Variants in TMEM178B observed in about 807,000 individuals in gnomAD.
The protein encoded by TMEM178B is transmembrane protein 178B.
A neutral mutation model predicts 31.0 loss-of-function variants in TMEM178B; 5 were observed. The observed-to-expected ratio is 0.16, with a 90% CI of 0.08 to 0.34. TMEM178B has a LOEUF of 0.34. Among genes scored for constraint, TMEM178B ranks in the 10% least tolerant of loss-of-function variants. The pLI is 1.00. For missense variants in TMEM178B, 275 were observed against 400.3 expected, an observed-to-expected ratio of 0.69 and a Z score of 2.67; for synonymous variants, 164 against 164.0, an observed-to-expected ratio of 1.00 and a Z score of 0.00.
At chr7:141,450,594 G>A (rs1287120672) in intron 3 of TMEM178B, among the ~76,000 whole-genome samples, 2 of 152,172 alleles carry the variant, frequency 1.3e-5, no homozygotes, top group South Asian at 2.1e-4. Context: ...AAAAAGGGGG[G>A]AAAGGGGGCC....
chr7:141,485,062 G>A (rs914263319), downstream of TMEM178B, among the ~76,000 whole-genome samples: 5 of 152,180 alleles, frequency 3.3e-5, no homozygotes, highest in Non-Finnish European at 7.3e-5. Flanking sequence ...TGTCAGGGAA[G>A]CATTGATTCT....
At chr7:141,205,900 G>A (rs977523201) in intron 1 of TMEM178B, among the ~76,000 whole-genome samples, 1 of 152,188 alleles carries the variant, frequency 6.6e-6, no homozygotes, top group African/African-American at 2.4e-5. Flanking sequence ...CAGTTTCTGT[G>A]CCATCTCTGG....
intron 1 of TMEM178B, among the ~76,000 whole-genome samples, chr7:141,188,000 G>A (rs2129184660): frequency 6.6e-6 from 1 of 152,234 alleles, no homozygotes; most frequent in South Asian, 2.1e-4. Flanking sequence ...TGGTGTTTTA[G>A]ACATGAAGTC....
the TMEM178B span, among the ~76,000 whole-genome samples, chr7:141,510,790 G>A: frequency 6.7e-6 from 1 of 149,760 alleles, no homozygotes; most frequent in African/African-American, 2.5e-5. Context: ...GGTTTCCAAA[G>A]CTTCCAAGAG....
At chr7:141,285,244 G>A (rs1337907517) in intron 2 of TMEM178B, among the ~76,000 whole-genome samples, 3 of 140,488 alleles carry the variant, frequency 2.1e-5, no homozygotes, top group Admixed American at 1.5e-4. Context: ...TCTGCCTCCC[G>A]GATTCACGCC....
rs560601448 is a variant in TMEM178B at position 141,252,186 on chromosome 7, TC to T, written c.496+39486del. 1.2e-3 allele frequency among the ~76,000 whole-genome samples: 182 copies of T among 152,286 alleles called. 2 individuals are homozygous for T. In the South Asian group the frequency reaches 0.028, roughly 23 times the overall value. On this transcript the variant is annotated intron_variant, in intron 2 of 3. Transcript: ENST00000565468. ...TGGACCTATTGTCCAGAGGATCTTT[TC>T]CCCACTAGCTGGTATGGGGCAGGTA...
chr7:141,412,253 A>G (rs1447177405), intron 2 of TMEM178B, among the ~76,000 whole-genome samples: 2 of 152,228 alleles, frequency 1.3e-5, no homozygotes, highest in Non-Finnish European at 2.9e-5. Context: ...GTGAGTGGTG[A>G]ATCAATGTTG....
the TMEM178B span, among the ~76,000 whole-genome samples, chr7:141,511,021 G>A: frequency 6.6e-6 from 1 of 152,060 alleles, no homozygotes; most frequent in Non-Finnish European, 1.5e-5. Flanking sequence ...AGCTTGGAAC[G>A]TCAGCTCCAT....
intron 2 of TMEM178B, among the ~76,000 whole-genome samples, chr7:141,307,721 ATCTTT>A (rs1384656194): frequency 2.0e-5 from 3 of 152,332 alleles, no homozygotes; most frequent in African/African-American, 7.2e-5. Context: ...CAATCTTTCA[ATCTTT>A]TCTTTATTTT....
chr7:141,117,247 G>T (rs1795333564), intron 1 of TMEM178B, among the ~76,000 whole-genome samples: 1 of 152,138 alleles, frequency 6.6e-6, no homozygotes, highest in African/African-American at 2.4e-5. Flanking sequence ...GTTTTGGTTT[G>T]CATTTCTCTA....
intron 2 of TMEM178B, among the ~76,000 whole-genome samples, chr7:141,219,333 A>C (rs550772146): frequency 3.3e-5 from 5 of 152,268 alleles, no homozygotes; most frequent in Non-Finnish European, 7.4e-5. Context: ...TAATGAGGTA[A>C]ACATCCCAGA....
intron 2 of TMEM178B, among the ~76,000 whole-genome samples, chr7:141,234,704 C>T (rs1056093219): frequency 3.9e-5 from 6 of 152,132 alleles, no homozygotes; most frequent in African/African-American, 1.4e-4. Flanking sequence ...CTTCTTGTAC[C>T]CCATGCCCTC....
intron 2 of TMEM178B, among the ~76,000 whole-genome samples, chr7:141,342,224 A>G (rs1799527253): frequency 6.6e-6 from 1 of 152,228 alleles, no homozygotes; most frequent in Non-Finnish European, 1.5e-5. Context: ...CTGGGATTAC[A>G]GGCATGAGCC....
chr7:141,264,272 C>A (rs1289748028), intron 2 of TMEM178B, among the ~76,000 whole-genome samples: 1 of 152,234 alleles, frequency 6.6e-6, no homozygotes, highest in Non-Finnish European at 1.5e-5. Flanking sequence ...CAGGACTTTA[C>A]ATTTCAAGGC....
At chr7:141,337,226 ACCACCACCCCCACTACCACCAT>A (rs1799434895) in intron 2 of TMEM178B, among the ~76,000 whole-genome samples, 2 of 121,024 alleles carry the variant, frequency 1.7e-5, no homozygotes, top group South Asian at 3.1e-4. Context: ...CACCACCACC[ACCACCACCCCCACTACCACCAT>A]GATCACATCA....
chr7:141,434,205 C>T (rs895254777), intron 2 of TMEM178B, among the ~76,000 whole-genome samples: 3 of 152,234 alleles, frequency 2.0e-5, no homozygotes, highest in Non-Finnish European at 2.9e-5. Context: ...AGCCCACTTT[C>T]CCATCCGTGG....
At chr7:141,115,975 G>T (rs1795311378) in intron 1 of TMEM178B, among the ~76,000 whole-genome samples, 1 of 152,082 alleles carries the variant, frequency 6.6e-6, no homozygotes, top group South Asian at 2.1e-4. Context: ...CCAATAAAAT[G>T]GAAATTAACA....
intron 1 of TMEM178B, among the ~76,000 whole-genome samples, chr7:141,206,352 G>A (rs2041535): frequency 0.65 from 98,341 of 151,998 alleles, 32,355 homozygotes; most frequent in Middle Eastern, 0.7. Context: ...GAAGAGCGAG[G>A]GGAGATGTGA....
chr7:141,158,385 C>T (rs1186652144), intron 1 of TMEM178B, among the ~76,000 whole-genome samples: 1 of 152,222 alleles, frequency 6.6e-6, no homozygotes, highest in East Asian at 1.9e-4. Context: ...CATGAGCCAC[C>T]ATGCTTGGCC....
Sources: allele counts gnomAD v4.1 joint callset (sites outside exome capture counted in the v4.1 genomes callset), GRCh38; gene constraint gnomAD v4.1.1; transcripts MANE v1.5; gene names NCBI Gene and HGNC (gene_info 2026-07-23, HGNC 2026-07-21).